The following ARK2C variants were observed in gnomAD, a reference collection of about 807,000 sequenced individuals.
ARK2C encodes arkadia (RNF111) C-terminal like ring finger ubiquitin ligase 2C.
the ARK2C span, among the ~76,000 whole-genome samples, chr18:46,365,946 T>A: frequency 6.6e-6 from 1 of 152,162 alleles, no homozygotes; most frequent in South Asian, 2.1e-4. Flanking sequence ...GAAGGAAAAG[T>A]CACATCTTGT....
the ARK2C span, among the ~76,000 whole-genome samples, chr18:46,378,710 T>C: frequency 6.6e-6 from 1 of 152,134 alleles, no homozygotes; most frequent in Non-Finnish European, 1.5e-5. Flanking sequence ...CTACTTAAGG[T>C]GTGGTGCTCA....
At chr18:46,413,187 G>A in the ARK2C span, among the ~76,000 whole-genome samples, 1 of 152,032 alleles carries the variant, frequency 6.6e-6, no homozygotes, top group African/African-American at 2.4e-5. Flanking sequence ...CTTCTCTCTC[G>A]AGTGGAATTA....
At chr18:46,352,158 AC>A in the ARK2C span, among the ~76,000 whole-genome samples, 3 of 151,524 alleles carry the variant, frequency 2.0e-5, no homozygotes, top group African/African-American at 7.3e-5. Flanking sequence ...ACATTTGGGA[AC>A]CCTCCAGGCT....
chr18:46,401,715 C>G, the ARK2C span, among the ~76,000 whole-genome samples: 1 of 152,210 alleles, frequency 6.6e-6, no homozygotes, highest in South Asian at 2.1e-4. Flanking sequence ...AAGTCAGCCC[C>G]GTGAGGTTCA....
chr18:46,420,977 T>C, the ARK2C span, among the ~76,000 whole-genome samples: 1 of 152,066 alleles, frequency 6.6e-6, no homozygotes, highest in Non-Finnish European at 1.5e-5. Flanking sequence ...CTCTACATGG[T>C]TTGCAAAAGC....
the ARK2C span, among the ~76,000 whole-genome samples, chr18:46,398,031 A>G: frequency 3.4e-5 from 3 of 89,482 alleles, no homozygotes; most frequent in Admixed American, 1.2e-4. Context: ...GGTCATGTGG[A>G]GGTGTGAGGG....
At chr18:46,425,245 T>TGGATCCCATCCTACTCTCCCA in the ARK2C span, among the ~76,000 whole-genome samples, 1 of 152,110 alleles carries the variant, frequency 6.6e-6, no homozygotes, top group Non-Finnish European at 1.5e-5. Flanking sequence ...TGGGAGGGTT[T>TGGATCCCATCCTACTCTCCCA]GGATCCCATC....
the ARK2C span, among the ~76,000 whole-genome samples, chr18:46,341,662 A>T: frequency 2.0e-5 from 3 of 152,116 alleles, no homozygotes; most frequent in African/African-American, 7.2e-5. Context: ...AACAATAAAA[A>T]TTCCTCATAC....
the ARK2C span, among the ~76,000 whole-genome samples, chr18:46,384,503 C>G: frequency 6.6e-6 from 1 of 152,170 alleles, no homozygotes; most frequent in South Asian, 2.1e-4. Context: ...TTGCCCTTTC[C>G]TTGAATATTT....
chr18:46,351,954 T>C, the ARK2C span, among the ~76,000 whole-genome samples: 1 of 152,218 alleles, frequency 6.6e-6, no homozygotes, highest in Admixed American at 6.5e-5. Context: ...ACGCAGTTTT[T>C]CTCCTAGGGG....
chr18:46,371,652 C>T, the ARK2C span, among the ~76,000 whole-genome samples: 2 of 152,234 alleles, frequency 1.3e-5, no homozygotes, highest in South Asian at 4.1e-4. Flanking sequence ...TGATAAGCCT[C>T]TCTGGGAAAT....
the ARK2C span, chr18:46,435,284 T>G: frequency 8.2e-5 from 133 of 1,613,774 alleles, no homozygotes; most frequent in Admixed American, 1.0e-4. Context: ...TCCCTTCTGG[T>G]GCAGGCGGAG....
chr18:46,364,769 G>A, the ARK2C span, among the ~76,000 whole-genome samples: 3 of 152,138 alleles, frequency 2.0e-5, no homozygotes, highest in Non-Finnish European at 2.9e-5. Flanking sequence ...TCTGAGGATC[G>A]CACGGCCACC....
chr18:46,415,991 C>A, the ARK2C span, among the ~76,000 whole-genome samples: 4 of 152,136 alleles, frequency 2.6e-5, no homozygotes, highest in Non-Finnish European at 5.9e-5. Flanking sequence ...CACCAGCTGG[C>A]CACTCAGGGC....
At chr18:46,434,410 T>G in the ARK2C span, among the ~76,000 whole-genome samples, 1 of 152,228 alleles carries the variant, frequency 6.6e-6, no homozygotes, top group Non-Finnish European at 1.5e-5. Context: ...TATATAAATT[T>G]AGTGAGAAGA....
At chr18:46,388,552 C>T in the ARK2C span, among the ~76,000 whole-genome samples, 2 of 151,994 alleles carry the variant, frequency 1.3e-5, no homozygotes, top group South Asian at 2.1e-4. Flanking sequence ...TGATCAAGGG[C>T]GCAGGAAGCA....
At chr18:46,347,923 C>G in the ARK2C span, among the ~76,000 whole-genome samples, 1 of 152,094 alleles carries the variant, frequency 6.6e-6, no homozygotes, top group African/African-American at 2.4e-5. Flanking sequence ...GGACCAGGCC[C>G]CGTGCAGGCA....
the ARK2C span, among the ~76,000 whole-genome samples, chr18:46,404,769 A>AACAC: frequency 6.9e-6 from 1 of 143,922 alleles, no homozygotes; most frequent in Non-Finnish European, 1.5e-5. Context: ...CACACACACA[A>AACAC]ACACACACAC....
the ARK2C span, among the ~76,000 whole-genome samples, chr18:46,374,554 G>A: frequency 3.3e-5 from 5 of 152,154 alleles, no homozygotes; most frequent in African/African-American, 1.2e-4. Context: ...TCAGGAGAAC[G>A]TCTTCAGGGT....
Sources: gnomAD v4.1 joint callset for allele counts (sites outside exome capture counted in the v4.1 genomes callset) on GRCh38, gnomAD v4.1.1 for gene constraint, MANE v1.5 for transcripts, NCBI Gene and HGNC (gene_info 2026-07-23, HGNC 2026-07-21) for gene names.